The following KHDRBS2 variants were observed in gnomAD, a reference collection of about 807,000 sequenced individuals.
KHDRBS2 encodes the protein KH domain-containing, RNA-binding, signal transduction-associated protein 2.
KHDRBS2 carries 26 observed loss-of-function variants against 44.3 expected under a neutral mutation model. That is an observed-to-expected ratio of 0.59 (90% CI 0.43 to 0.81). The LOEUF (loss-of-function observed/expected upper bound fraction) is 0.81. KHDRBS2 is among the 40% of genes least tolerant of loss of function. The pLI is 0.00. For synonymous variants in KHDRBS2, 194 were observed against 151.1 expected (o/e 1.28, Z -2.08); for missense variants, 476 against 433.1 (o/e 1.10, Z -0.88).
chr6:61,893,470 T>C (rs1357695799), intron 6 of KHDRBS2, among the ~76,000 whole-genome samples: 6 of 152,186 alleles, frequency 3.9e-5, no homozygotes, highest in Admixed American at 3.9e-4. Flanking sequence ...TGCGACACTA[T>C]TCACAATAGC....
At chr6:61,831,888 T>C (rs1333834983) in intron 6 of KHDRBS2, among the ~76,000 whole-genome samples, 1 of 152,228 alleles carries the variant, frequency 6.6e-6, no homozygotes, top group Non-Finnish European at 1.5e-5. Context: ...GAGCATATTC[T>C]GAGCATAATT....
chr6:62,081,528 A>T (rs1797390037), intron 2 of KHDRBS2, among the ~76,000 whole-genome samples: 1 of 152,176 alleles, frequency 6.6e-6, no homozygotes, highest in Non-Finnish European at 1.5e-5. Context: ...AAGTTGCTTA[A>T]ATGGAATCAT....
intron 1 of KHDRBS2, among the ~76,000 whole-genome samples, chr6:62,285,378 T>TAG (rs1842344422): frequency 6.6e-6 from 1 of 152,228 alleles, no homozygotes; most frequent in Admixed American, 6.5e-5. Context: ...ATGCATAGGT[T>TAG]AATTCTAACA....
chr6:61,992,680 A>G (rs1204777291), intron 3 of KHDRBS2, among the ~76,000 whole-genome samples: 1 of 152,144 alleles, frequency 6.6e-6, no homozygotes, highest in African/African-American at 2.4e-5. Context: ...AGGCTTTTAA[A>G]ATCATATATA....
At chr6:61,761,819 A>C (rs1013689047) in intron 6 of KHDRBS2, among the ~76,000 whole-genome samples, 2 of 152,182 alleles carry the variant, frequency 1.3e-5, no homozygotes, top group African/African-American at 4.8e-5. Flanking sequence ...TAATTTGCAC[A>C]ACTAAATTAG....
At chr6:61,902,074 G>A (rs1187018805) in intron 4 of KHDRBS2, among the ~76,000 whole-genome samples, 1 of 152,080 alleles carries the variant, frequency 6.6e-6, no homozygotes, top group Non-Finnish European at 1.5e-5. Context: ...TCCTATCTCA[G>A]CCTCTGGAGT....
intron 6 of KHDRBS2, among the ~76,000 whole-genome samples, chr6:61,768,656 A>G (rs1780361512): frequency 6.6e-6 from 1 of 151,694 alleles, no homozygotes; most frequent in East Asian, 2.0e-4. Flanking sequence ...ACTCTGATGC[A>G]TTTTTCAGTG....
chr6:61,600,954 C>T, the KHDRBS2 span, among the ~76,000 whole-genome samples: 1 of 152,158 alleles, frequency 6.6e-6, no homozygotes, highest in Non-Finnish European at 1.5e-5. Flanking sequence ...ACTCCAGCGC[C>T]AGTCATGGAC....
chr6:62,073,524 T>C (rs75230021), intron 2 of KHDRBS2, among the ~76,000 whole-genome samples: 1 of 123,956 alleles, frequency 8.1e-6, no homozygotes, highest in African/African-American at 3.3e-5. Flanking sequence ...GATTTTTTTC[T>C]TTTTTCTTTT....
At chr6:61,589,948 C>T in the KHDRBS2 span, among the ~76,000 whole-genome samples, 1 of 152,024 alleles carries the variant, frequency 6.6e-6, no homozygotes, top group African/African-American at 2.4e-5. Context: ...ATCAACTGCT[C>T]AAAAACAGTC....
intron 1 of KHDRBS2, among the ~76,000 whole-genome samples, chr6:62,260,005 T>C (rs1281966917): frequency 6.6e-6 from 1 of 151,996 alleles, no homozygotes; most frequent in Non-Finnish European, 1.5e-5. Flanking sequence ...GACGAGGATC[T>C]TCCACTGCTG....
At chr6:61,728,159 C>A (rs1467829462) in intron 7 of KHDRBS2, among the ~76,000 whole-genome samples, 3 of 151,994 alleles carry the variant, frequency 2.0e-5, no homozygotes, top group African/African-American at 7.3e-5. Flanking sequence ...AAATTGGAAG[C>A]CATTATCCTT....
chr6:62,213,412 G>C (rs934505802), intron 1 of KHDRBS2, among the ~76,000 whole-genome samples: 7 of 152,102 alleles, frequency 4.6e-5, no homozygotes, highest in Admixed American at 1.3e-4. Flanking sequence ...TCCAGCAGAG[G>C]GGGGATCATG....
chr6:61,850,442 C>G (rs576907036), intron 6 of KHDRBS2, among the ~76,000 whole-genome samples: 1 of 152,062 alleles, frequency 6.6e-6, no homozygotes, highest in Non-Finnish European at 1.5e-5. Context: ...ATAATTAGCA[C>G]GGAGAAAGTT....
At chr6:61,978,329 T>C (rs1311242227) in intron 3 of KHDRBS2, 117 bp from the exon 4 acceptor site, 6 of 695,768 alleles carry the variant, frequency 8.6e-6, no homozygotes, top group Non-Finnish European at 1.4e-5. Context: ...TTTGCTTCCA[T>C]AATTTTCTCA....
At chr6:62,134,197 C>T (rs148779529) in intron 2 of KHDRBS2, among the ~76,000 whole-genome samples, 97 of 152,250 alleles carry the variant, frequency 6.4e-4, no homozygotes, top group African/African-American at 2.2e-3. Context: ...GGCCCAGGGA[C>T]GTCTTGCTGT....
intron 6 of KHDRBS2, among the ~76,000 whole-genome samples, chr6:61,767,032 G>A (rs528468395): frequency 1.5e-4 from 23 of 152,138 alleles, no homozygotes; most frequent in African/African-American, 5.1e-4. Context: ...TGAATGATCT[G>A]TCCAATGCTG....
intron 1 of KHDRBS2, among the ~76,000 whole-genome samples, chr6:62,253,362 C>G (rs1836854149): frequency 6.6e-6 from 1 of 151,824 alleles, no homozygotes; most frequent in Non-Finnish European, 1.5e-5. Context: ...CTATATGGTC[C>G]TCCCCTGAAA....
At chr6:62,221,570 CA>C (rs909100721) in intron 1 of KHDRBS2, among the ~76,000 whole-genome samples, 34 of 150,834 alleles carry the variant, frequency 2.3e-4, no homozygotes, top group South Asian at 8.4e-4. Flanking sequence ...AACTTATATG[CA>C]AAAAAAAATT....
Sources: gnomAD v4.1 joint callset for allele counts (sites outside exome capture counted in the v4.1 genomes callset) on GRCh38, gnomAD v4.1.1 for gene constraint, MANE v1.5 for transcripts, NCBI Gene and HGNC (gene_info 2026-07-23, HGNC 2026-07-21) for gene names.